The following POLR1C variants were observed in gnomAD, a reference collection of about 807,000 sequenced individuals.
POLR1C encodes DNA-directed RNA polymerases I and III subunit RPAC1.
In POLR1C, 42 loss-of-function variants were observed where a neutral mutation model predicts 38.3. The ratio of observed to expected loss-of-function variants is 1.10; its 90% confidence interval spans 0.86 to 1.42. The LOEUF is 1.42. Ranked by LOEUF, POLR1C falls within the 40% of genes most tolerant of loss-of-function variation. The pLI is 0.00. For synonymous variants in POLR1C, 163 were observed against 163.9 expected, an observed-to-expected ratio of 0.99 and a Z score of 0.04; for missense variants, 507 against 450.5, an observed-to-expected ratio of 1.13 and a Z score of -1.14.
intron 4 of POLR1C, 82 bp downstream of exon 4, chr6:43,519,920 T>G: frequency 6.5e-7 from 1 of 1,550,242 alleles, no homozygotes; most frequent in Admixed American, 1.9e-5. Context: ...GTTACTTATC[T>G]TTGTACATCA....
intron 10 of POLR1C, chr6:43,553,469 G>A (rs1479515355): frequency 1.3e-6 from 2 of 1,570,864 alleles, no homozygotes; most frequent in Non-Finnish European, 1.7e-6. Context: ...AGACGGAACA[G>A]AGGCTTCCTT....
At chr6:43,552,958 T>C (rs183127215) in intron 10 of POLR1C, among the ~76,000 whole-genome samples, 3 of 152,252 alleles carry the variant, frequency 2.0e-5, no homozygotes, top group African/African-American at 7.2e-5. Flanking sequence ...GTATGCTATT[T>C]AGCCTCTCTA....
At chr6:43,524,055 TAA>T (rs1353314730), downstream of POLR1C, 2 of 1,592,252 alleles carry the variant, frequency 1.3e-6, no homozygotes, top group South Asian at 1.1e-5. Flanking sequence ...CAGTAGTAGT[TAA>T]AAGATTCTCT....
intron 10 of POLR1C, chr6:43,558,434 C>T: frequency 1.4e-6 from 2 of 1,401,350 alleles, no homozygotes; most frequent in Non-Finnish European, 1.9e-6. Flanking sequence ...ACACCATGCA[C>T]CATGATTCAT....
intron 4 of POLR1C, 91 bp downstream of exon 4, chr6:43,519,929 C>T (rs1793050671): frequency 3.8e-5 from 59 of 1,537,036 alleles, no homozygotes; most frequent in Non-Finnish European, 5.2e-5. Context: ...CTTTGTACAT[C>T]AGTGTCTTTC....
intron 9 of POLR1C, among the ~76,000 whole-genome samples, chr6:43,545,562 CCAGGAGTGGTGGTGCA>C (rs1794923001): frequency 6.6e-6 from 1 of 151,990 alleles, no homozygotes; most frequent in Non-Finnish European, 1.5e-5. Flanking sequence ...CAAAAATTAG[CCAGGAGTGGTGGTGCA>C]CACCTGTAGT....
In POLR1C at chr6:43,527,619, C is replaced by T. The variant is rs371221971; in HGVS notation, c.923-1630C>T. 6 of 1,613,462 alleles carry T rather than the reference C, an allele frequency of 3.7e-6. No homozygotes were observed. Among genetic ancestry groups the T allele is most frequent in the East Asian group, 2.2e-5 (1 of 44,868 alleles). On this transcript the variant is annotated intron_variant, in intron 8 of 8. Coordinates refer to the POLR1C transcript ENST00000304004. Reference sequence around the variant, plus strand: ...GGAAAATCCTCTATAGCCCCAGTTTCGACATGCCACTTACTGATTAGGTCC... The same window carrying T: ...GGAAAATCCTCTATAGCCCCAGTTTTGACATGCCACTTACTGATTAGGTCC...
At chr6:43,537,988 G>A (rs1265851588) in intron 9 of POLR1C, among the ~76,000 whole-genome samples, 1 of 150,358 alleles carries the variant, frequency 6.7e-6, no homozygotes, top group Non-Finnish European at 1.5e-5. Flanking sequence ...GAGAGGCTGA[G>A]GCAGGAGAAT....
chr6:43,560,854 T>C, intron 10 of POLR1C: 1 of 1,242,586 alleles, frequency 8.0e-7, no homozygotes, highest in Non-Finnish European at 1.2e-6. Flanking sequence ...TACAATAATA[T>C]TTCAGGACAC....
At chr6:43,554,720 G>A (rs1761951335) in intron 10 of POLR1C, among the ~76,000 whole-genome samples, 1 of 152,122 alleles carries the variant, frequency 6.6e-6, no homozygotes, top group Non-Finnish European at 1.5e-5. Context: ...ACCCTGCCTG[G>A]CCTAAGATTT....
At chr6:43,558,295 G>T (rs1197419889) in intron 10 of POLR1C, among the ~76,000 whole-genome samples, 1 of 152,126 alleles carries the variant, frequency 6.6e-6, no homozygotes. Flanking sequence ...TCTAAGTGCT[G>T]TGGGGGTTTG....
chr6:43,535,798 A>T (rs1582206719), intron 9 of POLR1C, among the ~76,000 whole-genome samples: 1 of 135,270 alleles, frequency 7.4e-6, no homozygotes, highest in East Asian at 2.2e-4. Context: ...TGTGTGACAG[A>T]GCGAGACTCC....
intron 10 of POLR1C, among the ~76,000 whole-genome samples, chr6:43,551,986 T>A (rs1795250100): frequency 1.3e-5 from 2 of 152,192 alleles, no homozygotes; most frequent in African/African-American, 2.4e-5. Context: ...CTTCTTACCA[T>A]CTTCTCAGCA....
In POLR1C at chr6:43,528,321, A is replaced by C. The variant is rs1232543732; in HGVS notation, c.923-928A>C. On this transcript the variant is annotated intron_variant, in intron 8 of 8. Transcript: ENST00000304004. ...TAGCCAAGGATGATTCTAGGCATCA[A>C]TGACAACTTCTGTAGACTCCACACC... The C allele has an allele frequency of 5.7e-6, 6 of 1,058,594 alleles. No homozygotes were observed. The African/African-American group carries it at 9.5e-5, about 17-fold the overall frequency. 65.6% of individuals were successfully genotyped at this position (1,058,594 alleles called of 1,614,324 possible).
At chr6:43,547,532 T>C (rs933040888) in intron 9 of POLR1C, 2 of 1,386,818 alleles carry the variant, frequency 1.4e-6, no homozygotes, top group Non-Finnish European at 2.0e-6. Context: ...AACAAATCTA[T>C]GAGAAACTTG....
At chr6:43,519,232 G>A (rs188823884) in intron 2 of POLR1C, 101 bp from the exon 3 acceptor site, 2 of 766,212 alleles carry the variant, frequency 2.6e-6, no homozygotes, top group South Asian at 2.9e-5. Context: ...GAGGTTTTTG[G>A]ATGAGAGGAT....
intron 9 of POLR1C, among the ~76,000 whole-genome samples, chr6:43,538,063 T>C (rs7772491): frequency 0.2 from 22,254 of 111,700 alleles, 4,380 homozygotes; most frequent in African/African-American, 0.53. Flanking sequence ...CCAGCATGGG[T>C]GACAGAACAA....
intron 9 of POLR1C, among the ~76,000 whole-genome samples, chr6:43,534,665 C>T (rs1050201152): frequency 1.3e-5 from 2 of 152,096 alleles, no homozygotes; most frequent in Non-Finnish European, 2.9e-5. Context: ...TCTTTTAGAC[C>T]ATGTTTAAAC....
chr6:43,549,754 T>C, intron 9 of POLR1C: 1 of 1,152,772 alleles, frequency 8.7e-7, no homozygotes, highest in Non-Finnish European at 1.2e-6. Context: ...GTATGCCCTA[T>C]AGTGGCAAAA....
Sources: gnomAD v4.1 joint callset for allele counts (sites outside exome capture counted in the v4.1 genomes callset) on GRCh38, gnomAD v4.1.1 for gene constraint, MANE v1.5 for transcripts, NCBI Gene and HGNC (gene_info 2026-07-23, HGNC 2026-07-21) for gene names.